ASAP2: variants seen among roughly 807,000 people sequenced by gnomAD.
ASAP2 encodes ArfGAP with SH3 domain, ankyrin repeat and PH domain 2.
ASAP2 carries 45 observed loss-of-function variants against 131.4 expected under a neutral mutation model. The ratio of observed to expected loss-of-function variants is 0.34; its 90% CI spans 0.27 to 0.44. The LOEUF (loss-of-function observed/expected upper bound fraction) is 0.44. Among genes scored for constraint, ASAP2 ranks in the 20% least tolerant of loss-of-function variants. The pLI, the probability that ASAP2 is intolerant of heterozygous loss-of-function variation, is 1.00. For missense variants in ASAP2, 1,011 were observed against 1,297.0 expected (o/e 0.78, Z 3.39); for synonymous variants, 510 against 503.0 (o/e 1.01, Z -0.19).
At chr2:9,252,552 C>T (rs188803029) in intron 1 of ASAP2, among the ~76,000 whole-genome samples, 46 of 151,124 alleles carry the variant, frequency 3.0e-4, no homozygotes, top group African/African-American at 1.1e-3. Context: ...CCAGCCTGGG[C>T]GACAAAGTGA....
chr2:9,350,738 T>C (rs1672276112), intron 11 of ASAP2, 70 bp from the exon 12 acceptor site: 1 of 1,348,502 alleles, frequency 7.4e-7, no homozygotes, highest in African/African-American at 1.4e-5. Flanking sequence ...TCGTGAGGAT[T>C]GATACTGTAT....
intron 11 of ASAP2, among the ~76,000 whole-genome samples, chr2:9,346,398 T>C (rs1671966364): frequency 6.8e-6 from 1 of 147,118 alleles, no homozygotes; most frequent in Admixed American, 6.9e-5. Context: ...ATCACGCCAC[T>C]GCACTCCAGC....
intron 18 of ASAP2, among the ~76,000 whole-genome samples, chr2:9,378,398 T>C (rs1030656265): frequency 6.6e-6 from 1 of 152,224 alleles, no homozygotes; most frequent in African/African-American, 2.4e-5. Flanking sequence ...TCAGAGGGTA[T>C]TCCCAGGGCA....
chr2:9,353,797 G>A (rs775375165), intron 12 of ASAP2, among the ~76,000 whole-genome samples: 10 of 151,920 alleles, frequency 6.6e-5, no homozygotes, highest in Non-Finnish European at 7.4e-5. Flanking sequence ...TCCTAAACAG[G>A]GGCTTCCCAT....
chr2:9,254,254 T>TATATATATATATATATATATACACACAC lies in ASAP2; in HGVS notation c.127-25062_127-25061insTATATATATATATATATATACACACACA, dbSNP rs1553297027. On this transcript the variant is annotated intron_variant, in intron 1 of 27. Coordinates refer to ENST00000281419, the MANE Select transcript of ASAP2 (RefSeq NM_003887.3). Reference sequence around the variant, plus strand: ...AAAAAAAAATATATATATATATATATACACGTGTGTGTGTATGCATATATA... The same window carrying TATATATATATATATATATATACACACAC: ...AAAAAAAAATATATATATATATATATATATATATATATATATATATACACACACACACGTGTGTGTGTATGCATATATA... 5.2e-4 allele frequency among the ~76,000 whole-genome samples: 34 copies of TATATATATATATATATATATACACACAC among 65,736 alleles called. 1 individual carries two copies. The highest frequency in any genetic ancestry group is 7.1e-4 in the Non-Finnish European group (25 of 35,326). 43.1% of individuals were successfully genotyped at this position (65,736 alleles called of 152,430 possible). A position where few individuals can be genotyped will look rare whatever the true frequency, so the allele number is the denominator to read the frequency against.
chr2:9,358,808 C>T lies in ASAP2; in HGVS notation c.1380C>T (p.Ser460=), dbSNP rs142948637. 4.5e-5 allele frequency: 72 copies of T among 1,613,472 alleles called. No individual in the cohort carries two copies. Among genetic ancestry groups the T allele is most frequent in the African/African-American group, 1.1e-4 (8 of 74,740 alleles). ...GCATCCTGACCTGCATCGAGTGTTC[C>T]GGAATCCACCGAGAGCTGGGGGTTC... ...NLGILTCIEC[S]GIHRELGVHY... is the part of the protein sequence containing the mutation. Residue 460 remains serine, a synonymous_variant, in exon 15 of 28, where the codon TCC becomes TCT. Transcript: ENST00000281419.
rs1663270458 is a variant in ASAP2 at position 9,232,920 on chromosome 2, A to G, written c.126+25690A>G. ...AGGGGCTGCCTTGCCCTTCTGGAAG[A>G]AGGAATTCCACGTTAGACGTGTTCC... On this transcript the variant is annotated intron_variant, in intron 1 of 27. Coordinates refer to ENST00000281419, the MANE Select transcript of ASAP2 (RefSeq NM_003887.3). This position sits in a 1 kb window ranked among gnomAD's most constrained non-coding sequence, Gnocchi z 4.1. Among the ~76,000 whole-genome samples the G allele has an allele frequency of 1.3e-5, 2 of 152,248 alleles. No homozygotes were observed. Among genetic ancestry groups the G allele is most frequent in the Admixed American group, 6.5e-5 (1 of 15,290 alleles).
chr2:9,275,753 C>T (rs1360146293), intron 1 of ASAP2, among the ~76,000 whole-genome samples: 2 of 152,090 alleles, frequency 1.3e-5, no homozygotes, highest in African/African-American at 4.8e-5. Flanking sequence ...CTTCTTGAGT[C>T]CTGTTCTGTG....
chr2:9,339,412 T>C (rs374723061), intron 9 of ASAP2, among the ~76,000 whole-genome samples: 6 of 152,194 alleles, frequency 3.9e-5, no homozygotes, highest in Non-Finnish European at 5.9e-5. Flanking sequence ...GTCTGTCAAA[T>C]AGGAATAATA....
chr2:9,229,733 A>G (rs1663022454), intron 1 of ASAP2, among the ~76,000 whole-genome samples: 1 of 152,172 alleles, frequency 6.6e-6, no homozygotes, highest in African/African-American at 2.4e-5. Flanking sequence ...TAGCAAAGGG[A>G]GACTGGAGAG....
Position 9,207,852 on chromosome 2 carries a change from G to T in ASAP2, c.126+622G>T, listed in dbSNP as rs1315007550. Among the ~76,000 whole-genome samples, 3 of 152,134 alleles carry T rather than the reference G, an allele frequency of 2.0e-5. No homozygotes were observed. The highest frequency in any genetic ancestry group is 4.4e-5 in the Non-Finnish European group (3 of 68,012). ...AAGAAGCCTCCAGGAGCCGCTCCCC[G>T]GTTACCTGGGTCTCACCTGCTTGAA... On this transcript the variant is annotated intron_variant, in intron 1 of 27. Transcript: ENST00000281419. The surrounding 1 kb of genome is among the most constrained non-coding windows in gnomAD (Gnocchi z 4.1).
intron 1 of ASAP2, among the ~76,000 whole-genome samples, chr2:9,209,240 A>C (rs759789878): frequency 6.6e-6 from 1 of 152,228 alleles, no homozygotes; most frequent in Admixed American, 6.5e-5. Flanking sequence ...ATCTACATAC[A>C]TGCTATGATG....
chr2:9,279,698 G>A (rs1440515214), intron 2 of ASAP2, among the ~76,000 whole-genome samples: 1 of 152,154 alleles, frequency 6.6e-6, no homozygotes, highest in South Asian at 2.1e-4. Context: ...CTGGCTGATG[G>A]GGGCCTGGAT....
At chr2:9,274,514 A>T (rs536077751) in intron 1 of ASAP2, among the ~76,000 whole-genome samples, 1 of 151,876 alleles carries the variant, frequency 6.6e-6, no homozygotes, top group Non-Finnish European at 1.5e-5. Flanking sequence ...GTAGAATCGG[A>T]GTTTTACCAT....
At chr2:9,244,619 G>A (rs1441010596) in intron 1 of ASAP2, among the ~76,000 whole-genome samples, 1 of 152,144 alleles carries the variant, frequency 6.6e-6, no homozygotes, top group Non-Finnish European at 1.5e-5. Context: ...AAGCTCCTGT[G>A]CCTCAGTGGC....
intron 3 of ASAP2, among the ~76,000 whole-genome samples, chr2:9,317,871 C>A (rs113833731): frequency 2.0e-5 from 3 of 151,916 alleles, no homozygotes; most frequent in African/African-American, 7.3e-5. Context: ...TCACTCATAC[C>A]CACATTCACT....
chr2:9,317,057 CCACA>C (rs1336364307), intron 3 of ASAP2, among the ~76,000 whole-genome samples: 1 of 149,534 alleles, frequency 6.7e-6, no homozygotes, highest in African/African-American at 2.5e-5. Context: ...CATCCACACT[CCACA>C]CAACCACACA....
At chr2:9,354,204 A>C (rs1181139069) in intron 12 of ASAP2, among the ~76,000 whole-genome samples, 1 of 152,176 alleles carries the variant, frequency 6.6e-6, no homozygotes, top group Admixed American at 6.5e-5. Context: ...AGTAGGATGG[A>C]GCCAGAGGGA....
Position 9,311,862 on chromosome 2 carries a change from C to T in ASAP2, c.346-6662C>T, listed in dbSNP as rs1669325850. Among the ~76,000 whole-genome samples the T allele has an allele frequency of 6.6e-6, 1 of 152,194 alleles. No individual in the cohort carries two copies. The highest frequency in any genetic ancestry group is 2.4e-5 in the African/African-American group (1 of 41,444). ...AGTGGCCATGTCCTGGGAAATTCTCCCTGAGCCACCAGGCGTGTGTGCTGT... is the reference window on the plus strand; with the variant it reads ...AGTGGCCATGTCCTGGGAAATTCTCTCTGAGCCACCAGGCGTGTGTGCTGT... On this transcript the variant is annotated intron_variant, in intron 3 of 27. Transcript: ENST00000281419. The surrounding 1 kb of genome is among the most constrained non-coding windows in gnomAD (Gnocchi z 5.2).
Sources: gnomAD v4.1 joint callset for allele counts (sites outside exome capture counted in the v4.1 genomes callset) on GRCh38, gnomAD v4.1.1 for gene constraint, Gnocchi (gnomAD v3.1) non-coding constraint, MANE v1.5 for transcripts, NCBI Gene and HGNC (gene_info 2026-07-23, HGNC 2026-07-21) for gene names.